CCNH: variants seen among roughly 807,000 people sequenced by gnomAD.
CCNH encodes the protein cyclin-H.
In CCNH, 31 loss-of-function variants were observed where a neutral mutation model predicts 41.9. That is an observed-to-expected ratio of 0.74 (90% CI 0.56 to 1.00). The LOEUF (loss-of-function observed/expected upper bound fraction) is 1.00. CCNH is among the 50% of genes least tolerant of loss of function. The pLI is 0.00. For missense variants in CCNH, 362 were observed against 388.4 expected, an observed-to-expected ratio of 0.93 and a Z score of 0.57; for synonymous variants, 138 against 136.1, an observed-to-expected ratio of 1.01 and a Z score of -0.10.
At chr5:87,367,024 C>T (rs548380747) in intron 9 of CCNH, among the ~76,000 whole-genome samples, 9 of 152,142 alleles carry the variant, frequency 5.9e-5, no homozygotes, top group East Asian at 3.9e-4. Flanking sequence ...GAGTGAGGCC[C>T]GGTCTCAAAC....
chr5:87,330,839 A>G (rs1025285909), intron 9 of CCNH: 45 of 634,640 alleles, frequency 7.1e-5, no homozygotes, highest in Non-Finnish European at 1.0e-4. Flanking sequence ...TCACGTTCAA[A>G]CAGGAAATTA....
chr5:87,400,420 C>T (rs920339566), intron 6 of CCNH, among the ~76,000 whole-genome samples: 4 of 152,146 alleles, frequency 2.6e-5, no homozygotes. Flanking sequence ...AGTAATAAAA[C>T]TAAGCTATGA....
intron 9 of CCNH, among the ~76,000 whole-genome samples, chr5:87,356,251 T>C (rs1265705156): frequency 6.6e-6 from 1 of 152,124 alleles, no homozygotes; most frequent in Admixed American, 6.6e-5. Flanking sequence ...GCAGACTTCA[T>C]TTTTAAGAAA....
rs542478665 is a variant in CCNH, at chr5:87,351,244, T to C, written c.*91-32347A>G. Among the ~76,000 whole-genome samples the C allele has an allele frequency of 5.9e-5, 9 of 151,804 alleles. No individual in the cohort carries two copies. The East Asian group carries it at 7.7e-4, about 13-fold the overall frequency. On this transcript the variant is annotated intron_variant and NMD_transcript_variant, in intron 9 of 9. Transcript: ENST00000645953. ...AATTCAGCAGCCATTTATCGACTTATCTACTTTGTGAAATATACTGTACAA... is the reference window on the plus strand; with the variant it reads ...AATTCAGCAGCCATTTATCGACTTACCTACTTTGTGAAATATACTGTACAA...
At chr5:87,375,059 A>G (rs1761229191), downstream of CCNH, 3 of 1,156,510 alleles carry the variant, frequency 2.6e-6, no homozygotes, top group South Asian at 1.6e-5. Flanking sequence ...TGTACTTCTT[A>G]AAGTATTGAT....
chr5:87,389,239 G>A, downstream of CCNH: 1 of 853,462 alleles, frequency 1.2e-6, no homozygotes, highest in Non-Finnish European at 1.8e-6. Flanking sequence ...GCTGAGGCAG[G>A]AGAATCGCTT....
chr5:87,374,847 C>T, downstream of CCNH: 1 of 1,608,956 alleles, frequency 6.2e-7, no homozygotes, highest in South Asian at 1.1e-5. Context: ...TAGTGATCTT[C>T]CTCCTGACAT....
intron 9 of CCNH, among the ~76,000 whole-genome samples, chr5:87,367,830 GTCAT>G (rs1302958649): frequency 6.6e-6 from 1 of 152,042 alleles, no homozygotes; most frequent in Non-Finnish European, 1.5e-5. Context: ...CATTTTCGTT[GTCAT>G]TCAAATTGTT....
At chr5:87,389,970 A>AGT (rs1366571644), downstream of CCNH, among the ~76,000 whole-genome samples, 2 of 152,294 alleles carry the variant, frequency 1.3e-5, no homozygotes, top group African/African-American at 4.8e-5. Flanking sequence ...GAGGTTCTGA[A>AGT]GTGTGGCCTT....
At chr5:87,332,962 T>C (rs984714402) in intron 9 of CCNH, among the ~76,000 whole-genome samples, 2 of 152,148 alleles carry the variant, frequency 1.3e-5, no homozygotes, top group Non-Finnish European at 2.9e-5. Context: ...GATTCTGAAA[T>C]GCCTTGTGTA....
chr5:87,338,536 A>ATATATATATATTTTTTTTTT, intron 9 of CCNH, among the ~76,000 whole-genome samples: 1 of 85,220 alleles, frequency 1.2e-5, no homozygotes, highest in African/African-American at 4.4e-5. Context: ...TATATATAAA[A>ATATATATATATTTTTTTTTT]TTTTTTTTTT....
rs147567446 is a variant in CCNH at position 87,327,776 on chromosome 5, C to T, written c.*91-8879G>A. Among the ~76,000 whole-genome samples the T allele has an allele frequency of 3.3e-5, 5 of 152,076 alleles. No individual in the cohort carries two copies. In the South Asian group the frequency reaches 1.0e-3, roughly 32 times the overall value. On this transcript the variant is annotated intron_variant and NMD_transcript_variant, in intron 9 of 9. Coordinates refer to the CCNH transcript ENST00000645953. ...GGTCAGTAGCTCGGGACCAGCCTGG[C>T]CAACATGGTGAAACCCCGTCTCTAC...
chr5:87,412,645 C>A, intron 1 of CCNH, 33 bp downstream of exon 1: 7 of 1,610,438 alleles, frequency 4.3e-6, no homozygotes, highest in African/African-American at 2.7e-5. Context: ...ATTTAGTGAC[C>A]GGGCAACTGG....
rs572913754 is a variant in CCNH at position 87,346,717 on chromosome 5, A to C, written c.*91-27820T>G. On this transcript the variant is annotated intron_variant and NMD_transcript_variant, in intron 9 of 9. Transcript: ENST00000645953. ...CCAAACAGGAAGCTTATAATTTACT[A>C]ATGACAGGTACTTACATATTTACTT... 1.9e-6 allele frequency: 3 copies of C among 1,549,090 alleles called. No homozygotes were observed. In the South Asian group the frequency reaches 3.4e-5, roughly 17 times the overall value.
chr5:87,394,647 GGTCTCACCA>G, intron 8 of CCNH, 163 bp from the exon 9 acceptor site: 1 of 1,425,618 alleles, frequency 7.0e-7, no homozygotes, highest in Non-Finnish European at 9.2e-7. Context: ...ATGTTGGCAT[GGTCTCACCA>G]GACTCCTCCA....
chr5:87,355,339 T>A (rs566563845), intron 9 of CCNH, among the ~76,000 whole-genome samples: 1 of 152,328 alleles, frequency 6.6e-6, no homozygotes, highest in African/African-American at 2.4e-5. Flanking sequence ...TATCGTTGAC[T>A]ATTCTGAAAA....
At chr5:87,411,050 A>T (rs944888796) in intron 2 of CCNH, among the ~76,000 whole-genome samples, 174 bp downstream of exon 2, 13 of 152,340 alleles carry the variant, frequency 8.5e-5, no homozygotes, top group African/African-American at 3.1e-4. Flanking sequence ...TTTTGAAGAT[A>T]TGATACAGCA....
At chr5:87,410,578 T>C (rs551339223) in intron 2 of CCNH, among the ~76,000 whole-genome samples, 1 of 152,310 alleles carries the variant, frequency 6.6e-6, no homozygotes, top group Admixed American at 6.5e-5. Context: ...ACTTTTATAT[T>C]TGGTCTTCAC....
chr5:87,371,608 C>T (rs1009833000), downstream of CCNH, among the ~76,000 whole-genome samples: 1 of 151,906 alleles, frequency 6.6e-6, no homozygotes, highest in African/African-American at 2.4e-5. Context: ...ACCCAAATCC[C>T]CTTATACATT....
Sources: allele counts gnomAD v4.1 joint callset (sites outside exome capture counted in the v4.1 genomes callset), GRCh38; gene constraint gnomAD v4.1.1; transcripts MANE v1.5; gene names NCBI Gene and HGNC (gene_info 2026-07-23, HGNC 2026-07-21).